Variants in KPNA5 observed in about 807,000 individuals in gnomAD.
KPNA5 encodes karyopherin subunit alpha 5.
KPNA5 carries 46 observed loss-of-function variants against 71.3 expected under a neutral mutation model. The observed-to-expected ratio is 0.65, with a 90% confidence interval of 0.51 to 0.83. The LOEUF is 0.83. Ranked by LOEUF, KPNA5 falls within the 40% of genes least tolerant of loss-of-function variation. KPNA5 has a pLI of 0.00. For synonymous variants in KPNA5, 207 were observed against 201.4 expected (o/e 1.03, Z -0.24); for missense variants, 547 against 628.3 (o/e 0.87, Z 1.38).
In KPNA5 at chr6:116,737,506, C is replaced by T. The variant is rs1331463384; in HGVS notation, c.*5183C>T. On this transcript the variant is annotated 3_prime_UTR_variant, in exon 14 of 14. Coordinates refer to ENST00000368564, the MANE Select transcript of KPNA5 (RefSeq NM_001366306.2). ...TCCCTGGCTTCCTAACTCTTTCTCC[C>T]CATCTCAGAGACTTTGTGGCTATAC... 1.3e-5 allele frequency: 2 copies of T among 152,086 alleles called. No individual in the cohort carries two copies. The highest frequency in any genetic ancestry group is 4.8e-5 in the African/African-American group (2 of 41,420). The allele number at this position is 152,086 out of a possible 1,614,324, so 9.4% of individuals were successfully genotyped here.
rs1210901773 is a variant in KPNA5 at position 116,737,214 on chromosome 6, C to T, written c.*4891C>T. ...CGTTTATTTTACTGCTGAGTCAGTACCATTCCGAGTACTCTATTACCCTAT... is the reference window on the plus strand; with the variant it reads ...CGTTTATTTTACTGCTGAGTCAGTATCATTCCGAGTACTCTATTACCCTAT... On this transcript the variant is annotated 3_prime_UTR_variant, in exon 14 of 14. Coordinates refer to ENST00000368564, the MANE Select transcript of KPNA5 (RefSeq NM_001366306.2). The T allele has an allele frequency of 6.6e-6, 1 of 151,914 alleles. No homozygotes were observed. Among genetic ancestry groups the T allele is most frequent in the Non-Finnish European group, 1.5e-5 (1 of 67,928 alleles). 9.4% of individuals were successfully genotyped at this position (151,914 alleles called of 1,614,324 possible). A position where few individuals can be genotyped will look rare whatever the true frequency, so the allele number is the denominator to read the frequency against.
chr6:116,729,021 C>G (rs1216596027), intron 12 of KPNA5, among the ~76,000 whole-genome samples: 13 of 151,840 alleles, frequency 8.6e-5, no homozygotes, highest in Non-Finnish European at 4.4e-5. Flanking sequence ...TGTTTTGTTC[C>G]TACAGGCCTT....
intron 4 of KPNA5, among the ~76,000 whole-genome samples, chr6:116,694,238 A>T (rs1167761803): frequency 6.6e-6 from 1 of 152,126 alleles, no homozygotes; most frequent in Non-Finnish European, 1.5e-5. Context: ...TTGGTTCCAT[A>T]TGAACTTTAA....
intron 6 of KPNA5, among the ~76,000 whole-genome samples, chr6:116,702,604 G>A (rs1562438187): frequency 6.6e-6 from 1 of 152,154 alleles, no homozygotes; most frequent in Non-Finnish European, 1.5e-5. Context: ...GGGAGGCAGA[G>A]GTTGCAGAGA....
intron 7 of KPNA5, 32 bp downstream of exon 7, chr6:116,705,192 A>G (rs1425750111): frequency 1.4e-6 from 2 of 1,415,488 alleles, no homozygotes; most frequent in Non-Finnish European, 9.9e-7. Flanking sequence ...AGTATATATC[A>G]AAAACTATAT....
chr6:116,697,354 G>A (rs546537687), intron 4 of KPNA5, among the ~76,000 whole-genome samples: 1 of 152,106 alleles, frequency 6.6e-6, no homozygotes, highest in South Asian at 2.1e-4. Context: ...AACTTGATGG[G>A]TATAACTTTA....
chr6:116,733,663 TTTATAG>T lies in KPNA5; in HGVS notation c.*1346_*1351del, dbSNP rs1395278658. 2 of 151,522 alleles carry T rather than the reference TTTATAG, an allele frequency of 1.3e-5. No individual in the cohort carries two copies. Among genetic ancestry groups the T allele is most frequent in the Non-Finnish European group, 3.0e-5 (2 of 67,656 alleles). The allele number at this position is 151,522 out of a possible 1,614,324, so 9.4% of individuals were successfully genotyped here. On this transcript the variant is annotated 3_prime_UTR_variant, in exon 14 of 14. Transcript: ENST00000368564. ...ACTACTGTTGAACTCAATCTTTTAA[TTTATAG>T]TTATACGTAGGCTATTTATGTGTCC...
At chr6:116,694,569 A>G (rs565170865) in intron 4 of KPNA5, among the ~76,000 whole-genome samples, 16 of 152,118 alleles carry the variant, frequency 1.1e-4, no homozygotes, top group African/African-American at 3.4e-4. Flanking sequence ...AATGCTTGTG[A>G]TTTTTGCACA....
chr6:116,716,208 T>C lies in KPNA5; in HGVS notation c.657-11T>C, dbSNP rs778254006. Reference sequence around the variant, plus strand: ...TAAGGTGATAATTCTTTTTTTTCTTTTTCTTGGCAGGTTATTAACAAATTC... The same window carrying C: ...TAAGGTGATAATTCTTTTTTTTCTTCTTCTTGGCAGGTTATTAACAAATTC... On this transcript the variant is annotated splice_polypyrimidine_tract_variant and intron_variant, in intron 7 of 13. Coordinates refer to ENST00000368564, the MANE Select transcript of KPNA5 (RefSeq NM_001366306.2). 2.5e-6 allele frequency: 4 copies of C among 1,598,072 alleles called. No homozygotes were observed. In the Admixed American group the frequency reaches 5.2e-5, roughly 21 times the overall value.
intron 12 of KPNA5, among the ~76,000 whole-genome samples, 189 bp from the exon 13 acceptor site, chr6:116,729,374 G>T (rs1045256519): frequency 6.6e-6 from 1 of 151,962 alleles, no homozygotes; most frequent in Non-Finnish European, 1.5e-5. Flanking sequence ...GGTGAGTAAA[G>T]AAAATTTTAA....
At chr6:116,684,199 T>C (rs1051020458) in intron 1 of KPNA5, among the ~76,000 whole-genome samples, 10 of 151,918 alleles carry the variant, frequency 6.6e-5, no homozygotes, top group African/African-American at 2.2e-4. Flanking sequence ...AGGTGTGAGC[T>C]ACCCCGCCCG....
intron 2 of KPNA5, among the ~76,000 whole-genome samples, chr6:116,691,491 T>C (rs1024375448): frequency 2.6e-5 from 4 of 152,204 alleles, no homozygotes; most frequent in African/African-American, 9.7e-5. Context: ...CTCACAGATA[T>C]GGAGGGCCAA....
At chr6:116,711,397 G>A (rs1778679690) in intron 7 of KPNA5, among the ~76,000 whole-genome samples, 4 of 150,284 alleles carry the variant, frequency 2.7e-5, no homozygotes, top group Admixed American at 2.6e-4. Flanking sequence ...TCTAATTTTT[G>A]TAATTTCTGA....
intron 4 of KPNA5, 65 bp downstream of exon 4, chr6:116,692,457 T>G (rs909892348): frequency 3.9e-6 from 4 of 1,030,508 alleles, no homozygotes; most frequent in Admixed American, 2.5e-5. Flanking sequence ...TTTATTTTAT[T>G]GTTTTTTTTT....
chr6:116,716,381 C>A, intron 8 of KPNA5, 63 bp downstream of exon 8: 2 of 1,119,866 alleles, frequency 1.8e-6, no homozygotes, highest in Non-Finnish European at 2.6e-6. Flanking sequence ...TATATAATAG[C>A]TTTTTGATGT....
intron 1 of KPNA5, among the ~76,000 whole-genome samples, chr6:116,683,622 C>A (rs1323891957): frequency 2.0e-5 from 3 of 152,004 alleles, no homozygotes; most frequent in Non-Finnish European, 4.4e-5. Flanking sequence ...CTCTGTGGCC[C>A]AGGCTGGAGT....
Position 116,740,783 on chromosome 6 carries a change from G to C in KPNA5, c.*8460G>C, listed in dbSNP as rs1359555348. ...GCCGCATCTTCTCACTCATAGGTGG[G>C]AATTGAACAATGAGAACACATGGAC... On this transcript the variant is annotated 3_prime_UTR_variant, in exon 14 of 14. Coordinates refer to ENST00000368564, the MANE Select transcript of KPNA5 (RefSeq NM_001366306.2). 2 of 142,724 alleles carry C rather than the reference G, an allele frequency of 1.4e-5. No individual in the cohort carries two copies. Among genetic ancestry groups the C allele is most frequent in the Non-Finnish European group, 3.0e-5 (2 of 66,400 alleles). The allele number at this position is 142,724 out of a possible 1,614,324, so 8.8% of individuals were successfully genotyped here.
chr6:116,703,959 A>G lies in KPNA5; in HGVS notation c.568-1113A>G, dbSNP rs530866483. Reference sequence around the variant, plus strand: ...AAATTCCATGGAGTCTATTTACACAAACCTGGATGGTTTATAGTATGGCCT... The same window carrying G: ...AAATTCCATGGAGTCTATTTACACAGACCTGGATGGTTTATAGTATGGCCT... On this transcript the variant is annotated intron_variant, in intron 6 of 13. Transcript: ENST00000368564. 1.1e-4 allele frequency among the ~76,000 whole-genome samples: 16 copies of G among 152,348 alleles called. No homozygotes were observed. In the South Asian group the frequency reaches 3.3e-3, roughly 32 times the overall value.
chr6:116,711,538 A>ATGTGTGTGTGTG lies in KPNA5; in HGVS notation c.657-4665_657-4654dup, dbSNP rs143357784. ...ATTTATCTCAAAGTATTTTCTGCAT[A>ATGTGTGTGTGTG]TGTGTGTGTGTGTGTGTGTGTGTGT... On this transcript the variant is annotated intron_variant, in intron 7 of 13. Coordinates refer to ENST00000368564, the MANE Select transcript of KPNA5 (RefSeq NM_001366306.2). 6.4e-3 allele frequency among the ~76,000 whole-genome samples: 923 copies of ATGTGTGTGTGTG among 143,536 alleles called. 16 individuals carry two copies. The highest frequency in any genetic ancestry group is 0.036 in the South Asian group (162 of 4,528). 94.2% of individuals were successfully genotyped at this position (143,536 alleles called of 152,430 possible).
Sources: allele counts gnomAD v4.1 joint callset (sites outside exome capture counted in the v4.1 genomes callset), GRCh38; gene constraint gnomAD v4.1.1; transcripts MANE v1.5; gene names NCBI Gene and HGNC (gene_info 2026-07-23, HGNC 2026-07-21).